Variants in TRPM3 observed in about 807,000 individuals in gnomAD.
TRPM3 encodes the protein long transient receptor potential channel 3.
In TRPM3, 77 loss-of-function variants were observed where a neutral mutation model predicts 181.2. That is an observed-to-expected ratio of 0.42 (90% CI 0.35 to 0.51). TRPM3 has a LOEUF of 0.51. TRPM3 is among the 20% of genes least tolerant of loss of function. The pLI, the probability that TRPM3 is intolerant of heterozygous loss-of-function variation, is 0.01. For synonymous variants in TRPM3, 745 were observed against 796.4 expected (o/e 0.94, Z 1.09); for missense variants, 1,759 against 2,196.7 (o/e 0.80, Z 3.98).
chr9:71,212,301 G>A (rs984952440), intron 1 of TRPM3, among the ~76,000 whole-genome samples: 1 of 152,058 alleles, frequency 6.6e-6, no homozygotes, highest in Non-Finnish European at 1.5e-5. Context: ...CTTTTGTAGA[G>A]ACTCACTATG....
chr9:71,251,075 T>C (rs539729735), intron 1 of TRPM3, among the ~76,000 whole-genome samples: 30 of 152,270 alleles, frequency 2.0e-4, no homozygotes, highest in Middle Eastern at 3.4e-3. Context: ...AAGATAAGTA[T>C]TCTTGTACTT....
chr9:70,807,979 A>ATTTCT (rs1332754443), intron 6 of TRPM3, among the ~76,000 whole-genome samples: 1 of 152,228 alleles, frequency 6.6e-6, no homozygotes, highest in Non-Finnish European at 1.5e-5. Flanking sequence ...AATGTCAGAA[A>ATTTCT]GAGACAAAAC....
Position 70,673,796 on chromosome 9 carries a change from AAAATTAGC to A in TRPM3, c.1345+7702_1345+7709del, listed in dbSNP as rs564451643. On this transcript the variant is annotated intron_variant, in intron 9 of 25. Coordinates refer to ENST00000677713, the MANE Select transcript of TRPM3 (RefSeq NM_001366145.2). ...ACAAAAAAAATAAAAAATAAATAAA[AAAATTAGC>A]TGGGCATGGTGGTGGGCACCTGTAA... 2.0e-4 allele frequency among the ~76,000 whole-genome samples: 31 copies of A among 152,104 alleles called. No homozygotes were observed. The East Asian group carries it at 4.8e-3, about 24-fold the overall frequency.
intron 1 of TRPM3, among the ~76,000 whole-genome samples, chr9:71,338,470 C>T (rs1002499909): frequency 1.3e-5 from 2 of 152,090 alleles, no homozygotes; most frequent in Non-Finnish European, 2.9e-5. Context: ...CAGAAACAGA[C>T]CCGGTTCCAA....
intron 1 of TRPM3, among the ~76,000 whole-genome samples, chr9:70,965,265 A>C (rs564182362): frequency 2.0e-5 from 3 of 152,058 alleles, no homozygotes; most frequent in Non-Finnish European, 2.9e-5. Context: ...TGGCATTTTA[A>C]ACTCAGTAAT....
intron 1 of TRPM3, among the ~76,000 whole-genome samples, chr9:71,306,787 T>C (rs895678810): frequency 8.5e-5 from 13 of 152,132 alleles, no homozygotes; most frequent in Non-Finnish European, 1.6e-4. Flanking sequence ...GGCAGGAGAA[T>C]CGCTTGAACC....
chr9:70,932,092 G>A (rs2096780829), intron 1 of TRPM3, among the ~76,000 whole-genome samples: 2 of 152,140 alleles, frequency 1.3e-5, no homozygotes, highest in Admixed American at 1.3e-4. Flanking sequence ...GATTATGGGA[G>A]GATTTGGCAA....
chr9:70,752,340 C>T (rs1054173206), intron 8 of TRPM3, among the ~76,000 whole-genome samples: 3 of 152,042 alleles, frequency 2.0e-5, no homozygotes, highest in Non-Finnish European at 2.9e-5. Context: ...AAATAAATGA[C>T]GCAAGGTCAG....
chr9:71,408,272 C>T (rs191406825), intron 1 of TRPM3, among the ~76,000 whole-genome samples: 17 of 152,166 alleles, frequency 1.1e-4, no homozygotes, highest in Admixed American at 5.2e-4. Flanking sequence ...TGACAGAAGG[C>T]GCCTTCAGAA....
At chr9:70,998,862 C>T (rs1156363955) in intron 1 of TRPM3, among the ~76,000 whole-genome samples, 1 of 152,194 alleles carries the variant, frequency 6.6e-6, no homozygotes, top group Non-Finnish European at 1.5e-5. Flanking sequence ...TTTATGTCCT[C>T]TTTAAACTTT....
chr9:71,207,790 T>G (rs535195812), intron 1 of TRPM3, among the ~76,000 whole-genome samples: 1 of 152,330 alleles, frequency 6.6e-6, no homozygotes, highest in East Asian at 1.9e-4. Flanking sequence ...TTCCTTGCCC[T>G]TTTGAAAACT....
intron 8 of TRPM3, among the ~76,000 whole-genome samples, chr9:70,752,647 A>G (rs917467925): frequency 1.3e-5 from 2 of 152,246 alleles, no homozygotes; most frequent in South Asian, 2.1e-4. Context: ...TTTTTATTGT[A>G]TCTTTTTATC....
At chr9:70,748,278 T>A (rs2075529251) in intron 8 of TRPM3, among the ~76,000 whole-genome samples, 1 of 152,202 alleles carries the variant, frequency 6.6e-6, no homozygotes, top group East Asian at 1.9e-4. Flanking sequence ...GCTTGCCTTA[T>A]GCTGCCCTGC....
At chr9:70,578,983 G>C (rs886496142) in intron 22 of TRPM3, among the ~76,000 whole-genome samples, 2 of 152,162 alleles carry the variant, frequency 1.3e-5, no homozygotes, top group African/African-American at 4.8e-5. Context: ...TCTTTGCTGG[G>C]TGGTGGTTAG....
chr9:71,066,375 T>TA (rs1204123843), intron 1 of TRPM3, among the ~76,000 whole-genome samples: 2 of 152,158 alleles, frequency 1.3e-5, no homozygotes, highest in Non-Finnish European at 2.9e-5. Flanking sequence ...TACCAAGAGA[T>TA]AAAATCATAA....
At chr9:70,993,475 T>A (rs937150853) in intron 1 of TRPM3, among the ~76,000 whole-genome samples, 1 of 152,054 alleles carries the variant, frequency 6.6e-6, no homozygotes. Context: ...CATTGGATGA[T>A]CCTCCTATTG....
At chr9:71,435,390 G>A (rs2094017579) in intron 1 of TRPM3, among the ~76,000 whole-genome samples, 1 of 152,118 alleles carries the variant, frequency 6.6e-6, no homozygotes, top group South Asian at 2.1e-4. Context: ...TCTTTATCTT[G>A]TAGGGAGTGG....
chr9:70,742,710 G>A (rs987093916), intron 8 of TRPM3, among the ~76,000 whole-genome samples: 2 of 152,128 alleles, frequency 1.3e-5, no homozygotes, highest in African/African-American at 4.8e-5. Flanking sequence ...GCATCTTTGA[G>A]TTTGAGGTCA....
rs1023028272 is a variant in TRPM3, at chr9:70,784,263, A to C, written c.990T>G (p.Val330=). 6.2e-7 allele frequency: 1 copy of C among 1,609,050 alleles called. No individual in the cohort carries two copies. Among genetic ancestry groups the C allele is most frequent in the African/African-American group, 1.3e-5 (1 of 74,836 alleles). The change falls in exon 7 of 26, where the codon GTT becomes GTG. Residue 330 remains valine (V), a synonymous_variant. Coordinates refer to ENST00000677713, the MANE Select transcript of TRPM3 (RefSeq NM_001366145.2). ...QKINTRIGQG[V]PVVALIVEGG... ...CTTCCACTATGAGTGCCACCACAGG[A>C]ACACCTTGACCGATTCCTGCATTAA...
Sources: gnomAD v4.1 joint callset for allele counts (sites outside exome capture counted in the v4.1 genomes callset) on GRCh38, gnomAD v4.1.1 for gene constraint, MANE v1.5 for transcripts, NCBI Gene and HGNC (gene_info 2026-07-23, HGNC 2026-07-21) for gene names.